The following ZFHX3 variants were observed in gnomAD, a reference collection of about 807,000 sequenced individuals.
ZFHX3 encodes the protein zinc finger homeobox protein 3.
ZFHX3 carries 42 observed loss-of-function variants against 279.1 expected under a neutral mutation model. The ratio of observed to expected loss-of-function variants is 0.15; its 90% CI spans 0.12 to 0.19. ZFHX3 has a LOEUF of 0.19. ZFHX3 is among the 10% of genes least tolerant of loss of function. The pLI is 1.00. For synonymous variants in ZFHX3, 2,293 were observed against 1,957.8 expected (o/e 1.17, Z -4.52); for missense variants, 4,981 against 4,754.0 (o/e 1.05, Z -1.40).
intron 1 of ZFHX3, among the ~76,000 whole-genome samples, chr16:73,711,974 G>T (rs939176362): frequency 2.6e-5 from 4 of 152,246 alleles, no homozygotes; most frequent in Non-Finnish European, 5.9e-5. Context: ...GCCCAGGCAG[G>T]AAAGAAGGGG....
intron 1 of ZFHX3, among the ~76,000 whole-genome samples, chr16:73,738,457 C>A (rs759652310): frequency 1.3e-5 from 2 of 152,228 alleles, no homozygotes; most frequent in Non-Finnish European, 2.9e-5. Context: ...TGCACATTAA[C>A]ATGGCTTTCC....
At position 72,795,339 on chromosome 16, in the gene ZFHX3, C is replaced by G; in HGVS notation, c.7343G>C (p.Gly2448Ala). The G allele has an allele frequency of 6.2e-7, 1 of 1,614,026 alleles. No individual in the cohort carries two copies. ...CTGCTGCAGCTCTGGCTTTGGTTGT[C>G]CTTGCTTTTCTTGGGTTTGGTTTGG... ...AQPNQTQEKQ[G>A]QPKPELQQQE... Residue 2448 changes from glycine to alanine, a missense_variant, in exon 9 of 10, where the codon GGA becomes GCA. Gly to Ala is a moderately conservative substitution (Grantham distance 60). Coordinates refer to ENST00000268489, the MANE Select transcript of ZFHX3 (RefSeq NM_006885.4).
chr16:73,837,029 C>A (rs913493113), intron 1 of ZFHX3, among the ~76,000 whole-genome samples: 1 of 152,298 alleles, frequency 6.6e-6, no homozygotes, highest in South Asian at 2.1e-4. Flanking sequence ...TTCCCAGTCT[C>A]CAGAATCATG....
intron 5 of ZFHX3, among the ~76,000 whole-genome samples, chr16:73,163,304 G>A (rs140462686): frequency 0.014 from 2,090 of 152,274 alleles, 22 homozygotes; most frequent in Middle Eastern, 0.031. Context: ...CCAAGGTTCT[G>A]ACAGTCTAAT....
chr16:73,139,684 A>G (rs962028337), intron 6 of ZFHX3, among the ~76,000 whole-genome samples: 2 of 152,236 alleles, frequency 1.3e-5, no homozygotes, highest in African/African-American at 4.8e-5. Flanking sequence ...GTGATGCTCC[A>G]ACTCTTTATT....
intron 1 of ZFHX3, among the ~76,000 whole-genome samples, chr16:73,871,900 C>G (rs2029862832): frequency 6.6e-6 from 1 of 152,180 alleles, no homozygotes; most frequent in Non-Finnish European, 1.5e-5. Flanking sequence ...TGGGCTTCCT[C>G]TTAATAATTC....
chr16:73,349,624 TCCTCCCTCCCTC>T (rs1303208320), intron 3 of ZFHX3, among the ~76,000 whole-genome samples: 1 of 47,514 alleles, frequency 2.1e-5, no homozygotes, highest in African/African-American at 7.1e-5. Context: ...CTCCCTCCCT[TCCTCCCTCCCTC>T]CCTCCCTCCC....
chr16:73,056,683 C>T (rs1468338748), intron 1 of ZFHX3, among the ~76,000 whole-genome samples: 2 of 152,178 alleles, frequency 1.3e-5, no homozygotes, highest in East Asian at 3.9e-4. Context: ...TCTAAGAAGC[C>T]AAGCAAGGCG....
chr16:73,356,916 A>C (rs1445523784), intron 3 of ZFHX3, among the ~76,000 whole-genome samples: 1 of 150,300 alleles, frequency 6.7e-6, no homozygotes, highest in Non-Finnish European at 1.5e-5. Context: ...ACAGGGTGGG[A>C]AGCAGCCGTT....
In ZFHX3 at chr16:73,207,156, A is replaced by C. The variant is rs543728175; in HGVS notation, c.-1104+49891T>G. Among the ~76,000 whole-genome samples, 71 of 152,320 alleles carry C rather than the reference A, an allele frequency of 4.7e-4. 1 individual carries two copies. The highest frequency in any genetic ancestry group is 1.5e-3 in the African/African-American group (63 of 41,576). ...CTGTACTCCAAGGTTTACTATCTCA[A>C]ATATATTGATGATCATTTATAAAGG... On this transcript the variant is annotated intron_variant, in intron 5 of 17. Transcript: ENST00000641206.
intron 1 of ZFHX3, among the ~76,000 whole-genome samples, chr16:72,983,116 C>T (rs1962681808): frequency 6.6e-6 from 1 of 152,142 alleles, no homozygotes; most frequent in Non-Finnish European, 1.5e-5. Flanking sequence ...TTTCTTTAGT[C>T]CACTTTCTGC....
At chr16:73,763,637 C>T (rs1292903151) in intron 1 of ZFHX3, among the ~76,000 whole-genome samples, 1 of 152,102 alleles carries the variant, frequency 6.6e-6, no homozygotes, top group Non-Finnish European at 1.5e-5. Flanking sequence ...ATAACTCCCT[C>T]CTTTTGAATG....
intron 1 of ZFHX3, among the ~76,000 whole-genome samples, chr16:73,865,347 C>T (rs933631501): frequency 6.6e-6 from 1 of 152,140 alleles, no homozygotes; most frequent in Non-Finnish European, 1.5e-5. Flanking sequence ...TTAAGGCCCC[C>T]AAGACAGTAA....
chr16:73,520,000 A>T (rs553963714), intron 2 of ZFHX3, among the ~76,000 whole-genome samples: 2 of 152,340 alleles, frequency 1.3e-5, no homozygotes, highest in African/African-American at 4.8e-5. Context: ...TATGAGGCAG[A>T]TCACATATTT....
intron 5 of ZFHX3, among the ~76,000 whole-genome samples, chr16:73,177,173 G>GCCAACCAACCAACCAACCAA (rs10616305): frequency 2.0e-5 from 3 of 151,654 alleles, no homozygotes; most frequent in Non-Finnish European, 4.4e-5. Flanking sequence ...CAACCAACCA[G>GCCAACCAACCAACCAACCAA]CCAACCAACC....
chr16:72,990,060 GT>G (rs1037563509), intron 1 of ZFHX3, among the ~76,000 whole-genome samples: 17 of 152,124 alleles, frequency 1.1e-4, no homozygotes, highest in South Asian at 2.1e-4. Flanking sequence ...CAAGGTTTGG[GT>G]TTTTTTCCCC....
chr16:73,692,992 G>C (rs2053163525), intron 1 of ZFHX3, among the ~76,000 whole-genome samples: 1 of 152,170 alleles, frequency 6.6e-6, no homozygotes, highest in South Asian at 2.1e-4. Context: ...AAACAAAATA[G>C]GATCGCAGAT....
intron 1 of ZFHX3, among the ~76,000 whole-genome samples, chr16:73,787,696 G>A (rs6564569): frequency 0.018 from 2,765 of 152,220 alleles, 77 homozygotes; most frequent in African/African-American, 0.063. Context: ...AATGATGGAT[G>A]CACTATCTGG....
At chr16:73,495,299 A>AT (rs76066730) in intron 2 of ZFHX3, among the ~76,000 whole-genome samples, 11,092 of 152,280 alleles carry the variant, frequency 0.073, 752 homozygotes, top group Admixed American at 0.23. Flanking sequence ...GGTGAATTCC[A>AT]TTTTAAATCA....
Sources: allele counts gnomAD v4.1 joint callset (sites outside exome capture counted in the v4.1 genomes callset), GRCh38; gene constraint gnomAD v4.1.1; transcripts MANE v1.5; gene names NCBI Gene and HGNC (gene_info 2026-07-23, HGNC 2026-07-21).